The following DOCK3 variants were observed in gnomAD, a reference collection of about 807,000 sequenced individuals.
DOCK3 encodes the protein dedicator of cytokinesis 3, also known as dedicator of cytokinesis protein 3.
In DOCK3, 60 loss-of-function variants were observed where a neutral mutation model predicts 265.6. The ratio of observed to expected loss-of-function variants is 0.23; its 90% confidence interval spans 0.18 to 0.28. DOCK3 has a LOEUF of 0.28. Among genes scored for constraint, DOCK3 ranks in the 10% least tolerant of loss-of-function variants. The pLI, the probability that DOCK3 is intolerant of heterozygous loss-of-function variation, is 1.00. For missense variants in DOCK3, 1,981 were observed against 2,594.3 expected, an observed-to-expected ratio of 0.76 and a Z score of 5.14; for synonymous variants, 881 against 938.0, an observed-to-expected ratio of 0.94 and a Z score of 1.11.
intron 3 of DOCK3, among the ~76,000 whole-genome samples, chr3:50,864,262 G>A (rs1251847159): frequency 1.3e-5 from 2 of 152,108 alleles, no homozygotes; most frequent in South Asian, 2.1e-4. Flanking sequence ...TTTGAGAAAT[G>A]TCCATTCAGG....
chr3:50,798,148 G>T (rs1197700860), intron 2 of DOCK3, among the ~76,000 whole-genome samples: 1 of 152,122 alleles, frequency 6.6e-6, no homozygotes, highest in African/African-American at 2.4e-5. Context: ...ATGCGAGGGG[G>T]GAAATATATC....
Position 51,027,170 on chromosome 3 carries a change from A to G in DOCK3, c.316-37278A>G, listed in dbSNP as rs191610966. Among the ~76,000 whole-genome samples the G allele has an allele frequency of 2.2e-3, 338 of 152,082 alleles. 1 individual carries two copies. Among genetic ancestry groups the G allele is most frequent in the Non-Finnish European group, 4.0e-3 (273 of 67,946 alleles). ...TGTTGTGTTTCTATTTGTTTGAAAT[A>G]ATTTTTTTTTGTTTCTGCCTAATTT... On this transcript the variant is annotated intron_variant, in intron 5 of 52. Coordinates refer to ENST00000266037, the MANE Select transcript of DOCK3 (RefSeq NM_004947.5).
intron 2 of DOCK3, among the ~76,000 whole-genome samples, chr3:50,821,483 G>C (rs773075507): frequency 2.0e-5 from 3 of 151,962 alleles, no homozygotes; most frequent in Non-Finnish European, 4.4e-5. Context: ...TGTATTTTTA[G>C]TAGAGACGGG....
Position 51,339,004 on chromosome 3 carries a change from C to T in DOCK3, c.3742C>T (p.His1248Tyr). The T allele has an allele frequency of 1.2e-6, 2 of 1,603,180 alleles. No homozygotes were observed. The highest frequency in any genetic ancestry group is 1.7e-6 in the Non-Finnish European group (2 of 1,174,872). The change falls in exon 37 of 53, where the codon CAC becomes TAC. Residue 1248 changes from histidine (H) to tyrosine (Y), a missense_variant. By Grantham distance (83) the His-to-Tyr change is moderately conservative (BLOSUM62 2). Coordinates refer to ENST00000266037, the MANE Select transcript of DOCK3 (RefSeq NM_004947.5). ...IRYIHKLCDM[H>Y]LQAENYTEAA... ...CTACATCCATAAGCTTTGTGACATG[C>T]ACTTGCAGGCCGAAAACTACACAGG...
chr3:50,899,317 T>A (rs1221915450), intron 4 of DOCK3, among the ~76,000 whole-genome samples: 1 of 152,186 alleles, frequency 6.6e-6, no homozygotes, highest in Non-Finnish European at 1.5e-5. Flanking sequence ...TTTTTCACTT[T>A]CCATTTGCTT....
intron 9 of DOCK3, among the ~76,000 whole-genome samples, chr3:51,136,337 CTG>C (rs1213865450): frequency 6.6e-6 from 1 of 152,010 alleles, no homozygotes; most frequent in East Asian, 1.9e-4. Flanking sequence ...CGCCATTCTC[CTG>C]CCTCAGCCTC....
chr3:50,766,051 A>G (rs1304403500), intron 1 of DOCK3, among the ~76,000 whole-genome samples: 4 of 152,054 alleles, frequency 2.6e-5, no homozygotes, highest in Non-Finnish European at 1.5e-5. Flanking sequence ...GGCTTATTTC[A>G]CTTAATGTCT....
intron 1 of DOCK3, among the ~76,000 whole-genome samples, chr3:50,758,805 G>C (rs894943546): frequency 3.3e-5 from 5 of 152,158 alleles, no homozygotes; most frequent in African/African-American, 1.2e-4. Context: ...CTTATTGTAA[G>C]ATTGAAAAAT....
chr3:50,941,155 T>C (rs143060672), intron 5 of DOCK3, among the ~76,000 whole-genome samples: 101 of 152,166 alleles, frequency 6.6e-4, no homozygotes, highest in African/African-American at 2.4e-3. Flanking sequence ...TGGAAGAAAA[T>C]ATTTGAAAAT....
chr3:51,244,392 A>T (rs1277241456), intron 21 of DOCK3, among the ~76,000 whole-genome samples: 1 of 152,054 alleles, frequency 6.6e-6, no homozygotes, highest in African/African-American at 2.4e-5. Context: ...ACATGTATAA[A>T]ACTTTTGTCT....
chr3:51,040,688 G>A (rs574390944), intron 5 of DOCK3, among the ~76,000 whole-genome samples: 4 of 152,256 alleles, frequency 2.6e-5, no homozygotes, highest in East Asian at 3.9e-4. Flanking sequence ...ATTGGAGTCA[G>A]GCTTCTCCAA....
At chr3:50,998,781 A>C (rs1386858183) in intron 5 of DOCK3, among the ~76,000 whole-genome samples, 1 of 152,212 alleles carries the variant, frequency 6.6e-6, no homozygotes, top group Admixed American at 6.5e-5. Flanking sequence ...TATACAAAAC[A>C]AAAGTTTAAA....
chr3:51,243,812 TAAGTG>T (rs2078712437), intron 21 of DOCK3, among the ~76,000 whole-genome samples: 1 of 152,232 alleles, frequency 6.6e-6, no homozygotes, highest in Non-Finnish European at 1.5e-5. Flanking sequence ...TCTTTTCTTT[TAAGTG>T]TTTTATAATT....
At chr3:51,251,678 A>G (rs1157488038) in intron 22 of DOCK3, among the ~76,000 whole-genome samples, 3 of 152,200 alleles carry the variant, frequency 2.0e-5, no homozygotes, top group African/African-American at 7.2e-5. Context: ...TCTTTTGAGA[A>G]GTGTCTGTTC....
At chr3:50,859,218 T>G (rs1231192034) in intron 3 of DOCK3, among the ~76,000 whole-genome samples, 1 of 141,858 alleles carries the variant, frequency 7.0e-6, no homozygotes, top group African/African-American at 2.6e-5. Flanking sequence ...TGGTTTTTTT[T>G]TTTTTTTTTT....
intron 12 of DOCK3, among the ~76,000 whole-genome samples, chr3:51,206,612 A>G (rs2089228233): frequency 6.6e-6 from 1 of 152,184 alleles, no homozygotes; most frequent in African/African-American, 2.4e-5. Context: ...TACCATTAAT[A>G]AAGTAGAGTC....
At chr3:50,704,225 G>T (rs1209915844) in intron 1 of DOCK3, among the ~76,000 whole-genome samples, 4 of 152,174 alleles carry the variant, frequency 2.6e-5, no homozygotes, top group African/African-American at 7.2e-5. Flanking sequence ...TTTATGTGCT[G>T]ATGTGAAGAA....
intron 5 of DOCK3, among the ~76,000 whole-genome samples, chr3:51,034,416 C>T (rs1325248342): frequency 6.6e-6 from 1 of 151,906 alleles, no homozygotes; most frequent in Non-Finnish European, 1.5e-5. Flanking sequence ...TTGGTTATTA[C>T]AGTAGGAATT....
chr3:50,689,991 GT>G (rs1005608985), intron 1 of DOCK3, among the ~76,000 whole-genome samples: 2 of 151,722 alleles, frequency 1.3e-5, no homozygotes, highest in African/African-American at 2.4e-5. Flanking sequence ...CAATTTATCT[GT>G]TTTTTTTCTT....
Sources: allele counts gnomAD v4.1 joint callset (sites outside exome capture counted in the v4.1 genomes callset), GRCh38; gene constraint gnomAD v4.1.1; transcripts MANE v1.5; gene names NCBI Gene and HGNC (gene_info 2026-07-23, HGNC 2026-07-21).